Variants in MYOCD observed in about 807,000 individuals in gnomAD.
MYOCD encodes the protein myocardin.
In MYOCD, 32 loss-of-function variants were observed where a neutral mutation model predicts 96.1. The observed-to-expected ratio is 0.33, with a 90% CI of 0.25 to 0.45. MYOCD has a LOEUF of 0.45. MYOCD is among the 20% of genes least tolerant of loss of function. MYOCD has a pLI of 1.00. For missense variants in MYOCD, 1,133 were observed against 1,200.6 expected (o/e 0.94, Z 0.83); for synonymous variants, 469 against 469.0 (o/e 1.00, Z 0.00).
Position 12,768,896 on chromosome 17 carries a change from A to ATTT in MYOCD, c.*5252_*5253insTTT, listed in dbSNP as rs1567609010. The ATTT allele has an allele frequency of 2.2e-4, 29 of 131,002 alleles. No individual in the cohort carries two copies. Among genetic ancestry groups the ATTT allele is most frequent in the African/African-American group, 9.6e-4 (27 of 28,028 alleles). 8.1% of individuals were successfully genotyped at this position (131,002 alleles called of 1,614,324 possible). ...CAAAGTTGGCATGTGTTCTTTTTTA[A>ATTT]AAAAAAAAAAAAATGCATATATTTT... is the stretch of plus-strand genomic sequence containing the variant. On this transcript the variant is annotated 3_prime_UTR_variant, in exon 14 of 14. Coordinates refer to ENST00000425538, the MANE Select transcript of MYOCD (RefSeq NM_001146312.3).
chr17:12,757,590 A>T (rs531584659), intron 11 of MYOCD, among the ~76,000 whole-genome samples: 1 of 152,200 alleles, frequency 6.6e-6, no homozygotes, highest in South Asian at 2.1e-4. Flanking sequence ...TCCACCTCCC[A>T]GGTTCAAGCG....
chr17:12,724,725 G>A (rs1394271090), intron 5 of MYOCD, among the ~76,000 whole-genome samples: 1 of 151,934 alleles, frequency 6.6e-6, no homozygotes. Context: ...AACTATTTAA[G>A]TGGTTGGTTT....
At chr17:12,742,632 G>A (rs903801863) in intron 7 of MYOCD, among the ~76,000 whole-genome samples, 2 of 151,656 alleles carry the variant, frequency 1.3e-5, no homozygotes, top group Non-Finnish European at 2.9e-5. Flanking sequence ...GTGTAGTGGC[G>A]CAATCTCGGC....
At chr17:12,760,056 A>C (rs1443490894) in intron 12 of MYOCD, 2 of 153,206 alleles carry the variant, frequency 1.3e-5, no homozygotes, top group African/African-American at 4.8e-5. Context: ...ACCTATGTTC[A>C]TAGCAGCATT....
intron 1 of MYOCD, among the ~76,000 whole-genome samples, chr17:12,703,898 G>T (rs540499630): frequency 7.3e-5 from 11 of 151,614 alleles, no homozygotes; most frequent in Non-Finnish European, 7.4e-5. Flanking sequence ...TTTCTACTTG[G>T]TTTCTTTTTA....
At chr17:12,744,661 CA>C (rs1440590416) in intron 8 of MYOCD, among the ~76,000 whole-genome samples, 2 of 152,130 alleles carry the variant, frequency 1.3e-5, no homozygotes, top group East Asian at 3.9e-4. Flanking sequence ...AGATGTATTC[CA>C]AACCCTCATT....
At position 12,759,937 on chromosome 17, in the gene MYOCD, T is replaced by G. The variant is rs146939428; in HGVS notation, c.2332-713T>G. On this transcript the variant is annotated intron_variant, in intron 12 of 13. Transcript: ENST00000425538. ...ACCCTGTGCTAGAAAGCATTCTGCC[T>G]TCTTTTTCCCTTCTCCTGTTGTAGT... is the stretch of plus-strand genomic sequence containing the variant. 2.3e-4 allele frequency among the ~76,000 whole-genome samples: 35 copies of G among 152,372 alleles called. No individual in the cohort carries two copies. In the East Asian group the frequency reaches 5.8e-3, roughly 25 times the overall value.
chr17:12,711,406 T>C (rs187095171), intron 2 of MYOCD, among the ~76,000 whole-genome samples: 1 of 152,220 alleles, frequency 6.6e-6, no homozygotes, highest in African/African-American at 2.4e-5. Flanking sequence ...ATTCTACCCA[T>C]CACTGCCATA....
At chr17:12,707,602 T>C (rs1597763911) in intron 2 of MYOCD, among the ~76,000 whole-genome samples, 1 of 152,214 alleles carries the variant, frequency 6.6e-6, no homozygotes, top group African/African-American at 2.4e-5. Context: ...TAGTCCCAGC[T>C]ACTCGGGAGG....
intron 1 of MYOCD, among the ~76,000 whole-genome samples, chr17:12,693,602 T>C (rs1356061232): frequency 7.3e-6 from 1 of 137,406 alleles, no homozygotes; most frequent in Non-Finnish European, 1.6e-5. Context: ...GCAGAGAGAC[T>C]CTGTCTCAAA....
chr17:12,670,234 AC>A (rs1597717786), intron 1 of MYOCD, among the ~76,000 whole-genome samples: 2 of 152,012 alleles, frequency 1.3e-5, no homozygotes, highest in African/African-American at 2.4e-5. Flanking sequence ...AGTGGGACCC[AC>A]CCCACTGTGT....
intron 1 of MYOCD, among the ~76,000 whole-genome samples, chr17:12,699,720 T>G (rs1484610138): frequency 6.6e-6 from 1 of 152,112 alleles, no homozygotes; most frequent in Non-Finnish European, 1.5e-5. Flanking sequence ...TAAAGGAGCT[T>G]AAATTTGGAA....
chr17:12,669,699 A>C (rs1909585711), intron 1 of MYOCD, among the ~76,000 whole-genome samples: 1 of 151,896 alleles, frequency 6.6e-6, no homozygotes, highest in South Asian at 2.1e-4. Context: ...GCTCACTGCA[A>C]GCTCCGCCTC....
chr17:12,717,521 A>G (rs2031685976), intron 4 of MYOCD, 100 bp downstream of exon 4: 6 of 955,766 alleles, frequency 6.3e-6, no homozygotes, highest in South Asian at 3.2e-5. Context: ...CCTCTTAAAA[A>G]TCTCCCTTGC....
At chr17:12,740,214 C>G (rs886114785) in intron 7 of MYOCD, among the ~76,000 whole-genome samples, 2 of 152,174 alleles carry the variant, frequency 1.3e-5, no homozygotes, top group South Asian at 2.1e-4. Context: ...GGATTACAGG[C>G]GTGAGCCACT....
Position 12,666,117 on chromosome 17 carries a change from T to C in MYOCD, c.-72T>C. On this transcript the variant is annotated 5_prime_UTR_variant, in exon 1 of 14. Transcript: ENST00000425538. ...GGTTGTTAGCTGCGGTCAGCTGGGC[T>C]CCCGGGAGCCTGTTGCTGGTGGAGA... 1 of 1,185,562 alleles carries C rather than the reference T, an allele frequency of 8.4e-7. No homozygotes were observed. The highest frequency in any genetic ancestry group is 1.2e-5 in the South Asian group (1 of 80,868). The allele number at this position is 1,185,562 out of a possible 1,614,324, so 73.4% of individuals were successfully genotyped here.
chr17:12,717,206 A>G, intron 3 of MYOCD, 140 bp from the exon 4 acceptor site: 1 of 632,192 alleles, frequency 1.6e-6, no homozygotes, highest in East Asian at 2.9e-5. Flanking sequence ...GTCTTTGGAA[A>G]TGTTCCTTCA....
chr17:12,756,609 C>G, intron 11 of MYOCD, 52 bp downstream of exon 11: 8 of 1,470,672 alleles, frequency 5.4e-6, no homozygotes, highest in Non-Finnish European at 7.3e-6. Flanking sequence ...CCTCTTCTCT[C>G]TTCTGTAACC....
At chr17:12,687,251 C>A (rs1305861406) in intron 1 of MYOCD, among the ~76,000 whole-genome samples, 1 of 152,036 alleles carries the variant, frequency 6.6e-6, no homozygotes. Context: ...CCACCTATTT[C>A]TAACCGAGTC....
Sources: allele counts gnomAD v4.1 joint callset (sites outside exome capture counted in the v4.1 genomes callset), GRCh38; gene constraint gnomAD v4.1.1; transcripts MANE v1.5; gene names NCBI Gene and HGNC (gene_info 2026-07-23, HGNC 2026-07-21).